The following NR6A1 variants were observed in gnomAD, a reference collection of about 807,000 sequenced individuals.
NR6A1 encodes the protein nuclear receptor subfamily 6 group A member 1, also known as retinoic acid receptor-related testis-associated receptor.
In NR6A1, 7 loss-of-function variants were observed where a neutral mutation model predicts 59.1. The ratio of observed to expected loss-of-function variants is 0.12; its 90% confidence interval spans 0.07 to 0.22. The LOEUF is 0.22. Among genes scored for constraint, NR6A1 ranks in the 10% least tolerant of loss-of-function variants. The probability of loss-of-function intolerance (pLI) is 1.00; values close to 1 mark genes in which losing one functional copy is unlikely to be tolerated. For synonymous variants in NR6A1, 243 were observed against 236.1 expected (o/e 1.03, Z -0.27); for missense variants, 468 against 611.6 (o/e 0.77, Z 2.48).
At chr9:124,693,053 G>A (rs1838612846) in intron 2 of NR6A1, among the ~76,000 whole-genome samples, 1 of 152,168 alleles carries the variant, frequency 6.6e-6, no homozygotes, top group African/African-American at 2.4e-5. Flanking sequence ...GTTAGAGCAT[G>A]AGCTATTGCC....
At chr9:124,679,647 T>G (rs1198215637) in intron 2 of NR6A1, among the ~76,000 whole-genome samples, 1 of 152,078 alleles carries the variant, frequency 6.6e-6, no homozygotes, top group African/African-American at 2.4e-5. Context: ...TTCCAGCACT[T>G]TGAGAGGCCA....
At chr9:124,768,698 C>A (rs1564274698) in intron 1 of NR6A1, among the ~76,000 whole-genome samples, 1 of 152,186 alleles carries the variant, frequency 6.6e-6, no homozygotes, top group Non-Finnish European at 1.5e-5. Flanking sequence ...GGAAATGAGA[C>A]TATGAATGGG....
At chr9:124,724,321 T>C (rs1839650578) in intron 2 of NR6A1, among the ~76,000 whole-genome samples, 1 of 152,054 alleles carries the variant, frequency 6.6e-6, no homozygotes, top group African/African-American at 2.4e-5. Context: ...TCTTTTAGTG[T>C]TTTCCATAGT....
intron 2 of NR6A1, among the ~76,000 whole-genome samples, chr9:124,677,743 T>C (rs1035124689): frequency 1.3e-5 from 2 of 152,180 alleles, no homozygotes; most frequent in African/African-American, 4.8e-5. Context: ...CTTATCATTC[T>C]AATCTCAGAT....
chr9:124,533,043 G>A (rs568424319), intron 7 of NR6A1, among the ~76,000 whole-genome samples: 1 of 152,304 alleles, frequency 6.6e-6, no homozygotes, highest in African/African-American at 2.4e-5. Context: ...GCATTATGAA[G>A]CTCAAAGCCA....
chr9:124,740,296 A>G (rs1338349254), intron 1 of NR6A1, among the ~76,000 whole-genome samples: 3 of 152,210 alleles, frequency 2.0e-5, no homozygotes, highest in Non-Finnish European at 2.9e-5. Flanking sequence ...TACAAACAAC[A>G]TGGCTGAAAC....
At chr9:124,715,550 A>T (rs1000373332) in intron 2 of NR6A1, among the ~76,000 whole-genome samples, 5 of 152,076 alleles carry the variant, frequency 3.3e-5, no homozygotes, top group Non-Finnish European at 7.4e-5. Context: ...AAACAAAATA[A>T]AATTTTAAAA....
chr9:124,579,493 G>A (rs1834700017), intron 2 of NR6A1, among the ~76,000 whole-genome samples: 1 of 152,156 alleles, frequency 6.6e-6, no homozygotes, highest in Admixed American at 6.6e-5. Context: ...GGAGGTTGAA[G>A]CTACAGTGAG....
At chr9:124,523,057 A>G (rs956908653) in intron 9 of NR6A1, among the ~76,000 whole-genome samples, 1 of 152,128 alleles carries the variant, frequency 6.6e-6, no homozygotes, top group Non-Finnish European at 1.5e-5. Flanking sequence ...TAGGTGGTTA[A>G]ATGCATTACC....
At chr9:124,543,501 T>C (rs1833508121) in intron 4 of NR6A1, among the ~76,000 whole-genome samples, 1 of 152,232 alleles carries the variant, frequency 6.6e-6, no homozygotes, top group Admixed American at 6.5e-5. Flanking sequence ...GGCTTAGTTA[T>C]CTATAACCTT....
intron 2 of NR6A1, among the ~76,000 whole-genome samples, chr9:124,676,383 G>A (rs1244395630): frequency 6.6e-6 from 1 of 151,940 alleles, no homozygotes; most frequent in East Asian, 1.9e-4. Context: ...TAAGGGCCCC[G>A]TACCAAGCTG....
At chr9:124,637,204 G>T (rs1836634607) in intron 2 of NR6A1, among the ~76,000 whole-genome samples, 1 of 152,164 alleles carries the variant, frequency 6.6e-6, no homozygotes, top group Non-Finnish European at 1.5e-5. Flanking sequence ...CGACACAGTA[G>T]CATGTACAAA....
intron 2 of NR6A1, among the ~76,000 whole-genome samples, chr9:124,579,413 T>C (rs780956199): frequency 6.6e-6 from 1 of 152,152 alleles, no homozygotes; most frequent in Non-Finnish European, 1.5e-5. Flanking sequence ...TAGCCAAGTG[T>C]GGTGGCATGT....
intron 2 of NR6A1, among the ~76,000 whole-genome samples, chr9:124,666,485 C>T (rs1837623017): frequency 6.6e-6 from 1 of 152,154 alleles, no homozygotes. Flanking sequence ...TGCCATGTTG[C>T]CCAGGCTAGT....
At chr9:124,699,250 C>CA (rs148069811) in intron 2 of NR6A1, among the ~76,000 whole-genome samples, 10 of 152,310 alleles carry the variant, frequency 6.6e-5, no homozygotes, top group African/African-American at 2.4e-4. Context: ...TCTCACTACC[C>CA]AAACTCTTGC....
chr9:124,653,581 A>AT (rs1296384620), intron 2 of NR6A1, among the ~76,000 whole-genome samples: 2 of 152,036 alleles, frequency 1.3e-5, no homozygotes, highest in African/African-American at 2.4e-5. Context: ...AGGCAAATTT[A>AT]TTTTTTGTAG....
chr9:124,598,858 T>C (rs528256458), intron 2 of NR6A1: 239 of 728,696 alleles, frequency 3.3e-4, no homozygotes, highest in African/African-American at 2.7e-3. Flanking sequence ...CTTCAAACTT[T>C]GTTTTGAATT....
intron 4 of NR6A1, among the ~76,000 whole-genome samples, chr9:124,542,524 T>A (rs906021931): frequency 6.6e-6 from 1 of 152,190 alleles, no homozygotes; most frequent in Non-Finnish European, 1.5e-5. Flanking sequence ...CAAACTATTA[T>A]CTGTATCTCT....
intron 2 of NR6A1, among the ~76,000 whole-genome samples, chr9:124,563,371 AAAAG>A (rs952946881): frequency 1.1e-4 from 16 of 152,196 alleles, no homozygotes; most frequent in African/African-American, 3.9e-4. Context: ...TAGAACTGTA[AAAAG>A]TTTTAAACAC....
Sources: allele counts gnomAD v4.1 joint callset (sites outside exome capture counted in the v4.1 genomes callset), GRCh38; gene constraint gnomAD v4.1.1; transcripts MANE v1.5; gene names NCBI Gene and HGNC (gene_info 2026-07-23, HGNC 2026-07-21).